The following NARF variants were observed in gnomAD, a reference collection of about 807,000 sequenced individuals.
NARF encodes iron-only hydrogenase-like protein 2.
Under a neutral mutation model 48.0 loss-of-function variants are expected in NARF, and 41 were observed. The observed-to-expected ratio is 0.85, with a 90% CI of 0.66 to 1.11. The LOEUF (loss-of-function observed/expected upper bound fraction) is 1.11. Ranked by LOEUF, NARF falls within the 50% of genes least tolerant of loss-of-function variation. The pLI, the probability that NARF is intolerant of heterozygous loss-of-function variation, is 0.00. For missense variants in NARF, 613 were observed against 590.2 expected, an observed-to-expected ratio of 1.04 and a Z score of -0.40; for synonymous variants, 215 against 225.5, an observed-to-expected ratio of 0.95 and a Z score of 0.42.
At chr17:82,460,298 C>A in intron 2 of NARF, 1 of 363,396 alleles carries the variant, frequency 2.8e-6, no homozygotes, top group Non-Finnish European at 5.1e-6. Context: ...AACCTTATCT[C>A]TGCTAAAAAT....
In NARF at chr17:82,472,589, G is replaced by A. The variant is rs764095137; in HGVS notation, c.411G>A (p.Thr137=). 11 of 1,613,212 alleles carry A rather than the reference G, an allele frequency of 6.8e-6. No homozygotes were observed. Among genetic ancestry groups the A allele is most frequent in the African/African-American group, 2.7e-5 (2 of 74,804 alleles). The change falls in exon 5 of 11, where the codon ACG becomes ACA. Residue 137 remains threonine (T), a synonymous_variant. Coordinates refer to ENST00000309794, the MANE Select transcript of NARF (RefSeq NM_012336.4). ...GGGTGCACTATGTATTTGATACGAC[G>A]ATAGCTGCGGATTTTAGTATCCTGG... is the stretch of plus-strand genomic sequence containing the variant. ...SLGVHYVFDT[T]IAADFSILES...
rs1239901550 is a variant in NARF, at chr17:82,472,571, C to T, written c.393C>T (p.His131=). The change falls in exon 5 of 11, where the codon CAC becomes CAT. Residue 131 remains histidine (H), a synonymous_variant. Coordinates refer to ENST00000309794, the MANE Select transcript of NARF (RefSeq NM_012336.4). ...TGCTCCTCTCTCCTGCAGGGGTGCA[C>T]TATGTATTTGATACGACGATAGCTG... ...LCGFLKSLGV[H]YVFDTTIAAD... The T allele has an allele frequency of 1.9e-6, 3 of 1,612,188 alleles. No individual in the cohort carries two copies. The African/African-American group carries it at 4.0e-5, about 22-fold the overall frequency.
chr17:82,486,922 C>T (rs1206336917), intron 10 of NARF, among the ~76,000 whole-genome samples: 1 of 152,186 alleles, frequency 6.6e-6, no homozygotes, highest in African/African-American at 2.4e-5. Context: ...TTTACTCAGG[C>T]CAGTGTTGGG....
intron 2 of NARF, 59 bp downstream of exon 2, chr17:82,460,131 C>T (rs1371456839): frequency 3.5e-6 from 5 of 1,434,238 alleles, no homozygotes; most frequent in Admixed American, 1.7e-5. Flanking sequence ...CTGTTTTTCT[C>T]TTTGGGGGCT....
chr17:82,474,273 C>T (rs1176216603), intron 5 of NARF, among the ~76,000 whole-genome samples: 1 of 151,910 alleles, frequency 6.6e-6, no homozygotes, highest in Non-Finnish European at 1.5e-5. Flanking sequence ...TATCTTTTGC[C>T]AGCTTAAAAA....
At chr17:82,459,676 C>T (rs549876246) in intron 1 of NARF, among the ~76,000 whole-genome samples, 2 of 151,966 alleles carry the variant, frequency 1.3e-5, no homozygotes, top group Non-Finnish European at 2.9e-5. Flanking sequence ...TCAAGACCAT[C>T]GTGGCCAACA....
At chr17:82,482,643 T>C (rs1479244773) in intron 7 of NARF, 1 of 153,228 alleles carries the variant, frequency 6.5e-6, no homozygotes, top group Non-Finnish European at 1.5e-5. Flanking sequence ...TCACTTTCAG[T>C]TGATCTCATT....
chr17:82,487,788 C>CCAAAGAA, intron 10 of NARF, 128 bp from the exon 11 acceptor site: 1 of 759,778 alleles, frequency 1.3e-6, no homozygotes, highest in African/African-American at 1.8e-5. Flanking sequence ...CCCTCCCGCC[C>CCAAAGAA]AATCTCTACA....
upstream of NARF, chr17:82,458,437 C>G: frequency 4.3e-6 from 1 of 232,632 alleles, no homozygotes; most frequent in Non-Finnish European, 8.4e-6. Flanking sequence ...GTGAACGCCG[C>G]TTGGCCGCCG....
intron 6 of NARF, chr17:82,480,365 C>T (rs905714230): frequency 5.5e-5 from 22 of 401,682 alleles, no homozygotes; most frequent in South Asian, 1.3e-4. Context: ...AGCTCCACGC[C>T]GGCTGGACTT....
At chr17:82,470,977 A>G (rs1180545045) in intron 4 of NARF, among the ~76,000 whole-genome samples, 1 of 148,750 alleles carries the variant, frequency 6.7e-6, no homozygotes, top group African/African-American at 2.5e-5. Flanking sequence ...GCCTGGCCCA[A>G]CATGGCAAAA....
At chr17:82,472,332 A>G (rs1230928826) in intron 4 of NARF, among the ~76,000 whole-genome samples, 1 of 152,012 alleles carries the variant, frequency 6.6e-6, no homozygotes, top group Non-Finnish European at 1.5e-5. Flanking sequence ...AAAAATACAA[A>G]AATTGGCCAG....
At chr17:82,473,117 T>C (rs972188965) in intron 5 of NARF, among the ~76,000 whole-genome samples, 12 of 151,078 alleles carry the variant, frequency 7.9e-5, no homozygotes, top group Non-Finnish European at 1.0e-4. Flanking sequence ...ATTATTGTAT[T>C]ATTAGTGGAG....
At chr17:82,479,089 C>T (rs78624565) in intron 6 of NARF, 171 bp downstream of exon 6, 13,655 of 559,146 alleles carry the variant, frequency 0.024, 214 homozygotes, top group Admixed American at 0.046. Context: ...CACCAACGCC[C>T]GTCTCTATTC....
At chr17:82,466,127 A>T (rs2143843307) in intron 3 of NARF, among the ~76,000 whole-genome samples, 1 of 152,294 alleles carries the variant, frequency 6.6e-6, no homozygotes, top group African/African-American at 2.4e-5. Context: ...GACTTAGTGG[A>T]TACAGCTTTG....
In NARF at chr17:82,478,864, G is replaced by C. The variant is rs1395201636; in HGVS notation, c.585G>C (p.Lys195Asn). 3 of 1,613,960 alleles carry C rather than the reference G, an allele frequency of 1.9e-6. No homozygotes were observed. The African/African-American group carries it at 4.0e-5, about 22-fold the overall frequency. ...RPITAHLCTA[K>N]SPQQVMGSLV... ...TCACTGCCCACCTCTGCACCGCCAAGTCCCCCCAGCAGGTCATGGGCTCTT... is the reference window on the plus strand; with the variant it reads ...TCACTGCCCACCTCTGCACCGCCAACTCCCCCCAGCAGGTCATGGGCTCTT... Residue 195 changes from lysine to asparagine, a missense_variant, in exon 6 of 11, where the codon AAG becomes AAC. Physicochemically the swap from Lys to Asn is moderately conservative, Grantham distance 94. Transcript: ENST00000309794.
intron 10 of NARF, among the ~76,000 whole-genome samples, chr17:82,487,560 A>G (rs1351675302): frequency 6.6e-6 from 1 of 151,900 alleles, no homozygotes; most frequent in Non-Finnish European, 1.5e-5. Context: ...GCCTTGAGGA[A>G]GACCCTGGCC....
At chr17:82,483,297 C>A in intron 7 of NARF, 3 of 341,454 alleles carry the variant, frequency 8.8e-6, no homozygotes, top group Non-Finnish European at 1.7e-5. Flanking sequence ...CCAGCCTGGG[C>A]GGCGGAGGTG....
intron 7 of NARF, 108 bp downstream of exon 7, chr17:82,481,319 A>G (rs1027032038): frequency 1.9e-5 from 29 of 1,514,932 alleles, no homozygotes; most frequent in Middle Eastern, 2.2e-4. Context: ...GTGCCTGCCA[A>G]TGTGGTCGCT....
Sources: gnomAD v4.1 joint callset for allele counts (sites outside exome capture counted in the v4.1 genomes callset) on GRCh38, gnomAD v4.1.1 for gene constraint, MANE v1.5 for transcripts, NCBI Gene and HGNC (gene_info 2026-07-23, HGNC 2026-07-21) for gene names.